The following MPHOSPH9 variants were observed in gnomAD, a reference collection of about 807,000 sequenced individuals.
MPHOSPH9 encodes M-phase phosphoprotein 9.
In MPHOSPH9, 88 loss-of-function variants were observed where a neutral mutation model predicts 145.5. The ratio of observed to expected loss-of-function variants is 0.60; its 90% CI spans 0.51 to 0.72. The LOEUF is 0.72. MPHOSPH9 is among the 30% of genes least tolerant of loss of function. The pLI is 0.00. For missense variants in MPHOSPH9, 1,238 were observed against 1,386.6 expected, an observed-to-expected ratio of 0.89 and a Z score of 1.70; for synonymous variants, 435 against 486.2, an observed-to-expected ratio of 0.89 and a Z score of 1.39.
chr12:123,209,954 T>C (rs2046631586), intron 8 of MPHOSPH9, 102 bp downstream of exon 8: 1 of 649,118 alleles, frequency 1.5e-6, no homozygotes, highest in African/African-American at 1.9e-5. Context: ...GCCAGGATGG[T>C]CTTGATCTCC....
At chr12:123,186,012 G>A (rs1368852688) in intron 13 of MPHOSPH9, among the ~76,000 whole-genome samples, 1 of 151,854 alleles carries the variant, frequency 6.6e-6, no homozygotes, top group Non-Finnish European at 1.5e-5. Flanking sequence ...GGATCACGAG[G>A]TCAGGAGTTC....
chr12:123,175,490 A>G (rs1187647816), intron 16 of MPHOSPH9, among the ~76,000 whole-genome samples: 5 of 152,062 alleles, frequency 3.3e-5, no homozygotes, highest in Non-Finnish European at 7.4e-5. Context: ...AAAGCTATAA[A>G]TGGTCAATCT....
chr12:123,205,786 A>G (rs1215663140), intron 8 of MPHOSPH9, among the ~76,000 whole-genome samples: 1 of 152,160 alleles, frequency 6.6e-6, no homozygotes, highest in East Asian at 1.9e-4. Flanking sequence ...TCTCTAAAGT[A>G]GGGATGCCTC....
intron 15 of MPHOSPH9, among the ~76,000 whole-genome samples, chr12:123,178,294 A>C (rs1486870801): frequency 6.6e-6 from 1 of 152,344 alleles, no homozygotes; most frequent in East Asian, 1.9e-4. Context: ...TTGAGAAATA[A>C]TAGCCCTAAC....
chr12:123,204,672 C>G (rs1027857717), intron 8 of MPHOSPH9, among the ~76,000 whole-genome samples: 1 of 152,062 alleles, frequency 6.6e-6, no homozygotes, highest in Non-Finnish European at 1.5e-5. Context: ...GTCGGGAGTT[C>G]GAGACCAGCC....
chr12:123,200,043 C>G (rs1430699358), intron 11 of MPHOSPH9, among the ~76,000 whole-genome samples: 3 of 152,060 alleles, frequency 2.0e-5, no homozygotes, highest in Admixed American at 2.0e-4. Context: ...TTGTATTTGA[C>G]TTTTTTCAGT....
downstream of MPHOSPH9, chr12:123,152,525 T>C (rs1565887252): frequency 2.2e-6 from 1 of 455,202 alleles, no homozygotes; most frequent in Non-Finnish European, 4.4e-6. Context: ...AATTGTTAGA[T>C]GTAAAAATTA....
At chr12:123,223,863 C>T (rs1306255086) in intron 3 of MPHOSPH9, among the ~76,000 whole-genome samples, 1 of 152,094 alleles carries the variant, frequency 6.6e-6, no homozygotes, top group African/African-American at 2.4e-5. Flanking sequence ...ATTTGTACCT[C>T]AGTTTCCTAC....
chr12:123,158,220 C>T, intron 23 of MPHOSPH9, among the ~76,000 whole-genome samples: 1 of 152,182 alleles, frequency 6.6e-6, no homozygotes, highest in South Asian at 2.1e-4. Flanking sequence ...GAACTCCTGA[C>T]TGCAGGTGAT....
At chr12:123,235,116 G>A (rs1451740919), upstream of MPHOSPH9, among the ~76,000 whole-genome samples, 3 of 152,172 alleles carry the variant, frequency 2.0e-5, no homozygotes, top group African/African-American at 7.2e-5. Context: ...AAGTTCCTCA[G>A]CCTTGTAGTT....
intron 5 of MPHOSPH9, among the ~76,000 whole-genome samples, chr12:123,218,725 T>C (rs2047074452): frequency 6.6e-6 from 1 of 152,114 alleles, no homozygotes; most frequent in African/African-American, 2.4e-5. Flanking sequence ...GGTTTCACCA[T>C]GTTGGCCAGA....
In MPHOSPH9 at chr12:123,209,761, G is replaced by A. The variant is rs1243097400; in HGVS notation, c.1194+295C>T. Among the ~76,000 whole-genome samples, 4 of 142,570 alleles carry A rather than the reference G, an allele frequency of 2.8e-5. No individual in the cohort carries two copies. The East Asian group carries it at 8.4e-4, about 30-fold the overall frequency. 93.5% of individuals were successfully genotyped at this position (142,570 alleles called of 152,430 possible). Reference sequence around the variant, plus strand: ...TGTTTTTTTTTTTTTTTTTGAGATGGAGTCTTGCTCTGTCACCCAGGCTGG... The same window carrying A: ...TGTTTTTTTTTTTTTTTTTGAGATGAAGTCTTGCTCTGTCACCCAGGCTGG... On this transcript the variant is annotated intron_variant, in intron 8 of 23. Coordinates refer to ENST00000606320, the MANE Select transcript of MPHOSPH9 (RefSeq NM_022782.4).
In MPHOSPH9 at chr12:123,159,197, C is replaced by A. The variant is rs1387646573; in HGVS notation, c.3450+1584G>T. ...ATTCTTTTTCAGAGACGGAGTCTTGCTCTGTCACCCAGGCCGAGTGCAGTG... is the reference window on the plus strand; with the variant it reads ...ATTCTTTTTCAGAGACGGAGTCTTGATCTGTCACCCAGGCCGAGTGCAGTG... On this transcript the variant is annotated intron_variant, in intron 23 of 23. Coordinates refer to ENST00000606320, the MANE Select transcript of MPHOSPH9 (RefSeq NM_022782.4). This position sits in a 1 kb window ranked among gnomAD's most constrained non-coding sequence, Gnocchi z 4.3. 6.6e-6 allele frequency among the ~76,000 whole-genome samples: 1 copy of A among 152,100 alleles called. No individual in the cohort carries two copies. Among genetic ancestry groups the A allele is most frequent in the African/African-American group, 2.4e-5 (1 of 41,432 alleles).
chr12:123,199,122 C>CA (rs1466808536), intron 11 of MPHOSPH9, among the ~76,000 whole-genome samples: 1 of 151,944 alleles, frequency 6.6e-6, no homozygotes, highest in Non-Finnish European at 1.5e-5. Context: ...CCTCCTGCCT[C>CA]AACCTCCTGA....
At chr12:123,183,877 T>A (rs2045316391) in intron 13 of MPHOSPH9, among the ~76,000 whole-genome samples, 1 of 151,818 alleles carries the variant, frequency 6.6e-6, no homozygotes, top group Non-Finnish European at 1.5e-5. Context: ...AGGATAATAG[T>A]GGAGTGGGAG....
intron 8 of MPHOSPH9, among the ~76,000 whole-genome samples, chr12:123,205,579 T>C (rs2138390562): frequency 6.6e-6 from 1 of 152,072 alleles, no homozygotes; most frequent in Non-Finnish European, 1.5e-5. Context: ...CCCATAATCC[T>C]GCTGTAGAAT....
chr12:123,196,278 A>G (rs2138277301), intron 12 of MPHOSPH9, among the ~76,000 whole-genome samples: 1 of 152,168 alleles, frequency 6.6e-6, no homozygotes, highest in South Asian at 2.1e-4. Context: ...TGAACCAGGG[A>G]GATGGAGGTT....
chr12:123,198,521 T>G (rs2138308041), intron 11 of MPHOSPH9, among the ~76,000 whole-genome samples, 187 bp from the exon 12 acceptor site: 1 of 152,084 alleles, frequency 6.6e-6, no homozygotes, highest in South Asian at 2.1e-4. Flanking sequence ...GAGAAAAGGC[T>G]AAAATTGGCC....
intron 16 of MPHOSPH9, among the ~76,000 whole-genome samples, chr12:123,170,593 C>T (rs1333997524): frequency 6.6e-6 from 1 of 152,150 alleles, no homozygotes; most frequent in Non-Finnish European, 1.5e-5. Flanking sequence ...TTAATGCTTT[C>T]TCTGTTCAAT....
Sources: gnomAD v4.1 joint callset for allele counts (sites outside exome capture counted in the v4.1 genomes callset) on GRCh38, gnomAD v4.1.1 for gene constraint, Gnocchi (gnomAD v3.1) non-coding constraint, MANE v1.5 for transcripts, NCBI Gene and HGNC (gene_info 2026-07-23, HGNC 2026-07-21) for gene names.